Variants in SLC24A2 observed in about 807,000 individuals in gnomAD.
SLC24A2 encodes the protein sodium/potassium/calcium exchanger 2.
In SLC24A2, 36 loss-of-function variants were observed where a neutral mutation model predicts 62.0. That is an observed-to-expected ratio of 0.58 (90% CI 0.44 to 0.77). The LOEUF is 0.77. SLC24A2 is among the 30% of genes least tolerant of loss of function. SLC24A2 has a pLI of 0.00. For synonymous variants in SLC24A2, 358 were observed against 294.0 expected (o/e 1.22, Z -2.23); for missense variants, 846 against 817.9 (o/e 1.03, Z -0.42).
At chr9:20,094,428 A>G in the SLC24A2 span, among the ~76,000 whole-genome samples, 1 of 152,236 alleles carries the variant, frequency 6.6e-6, no homozygotes, top group African/African-American at 2.4e-5. Context: ...TTTGTGGTCA[A>G]CGATAAAATT....
At chr9:19,720,631 T>C (rs1485901610) in intron 2 of SLC24A2, among the ~76,000 whole-genome samples, 3 of 151,560 alleles carry the variant, frequency 2.0e-5, no homozygotes, top group African/African-American at 4.9e-5. Context: ...AGTCTTGGAG[T>C]CTGTGGTATG....
the SLC24A2 span, among the ~76,000 whole-genome samples, chr9:20,135,543 G>A: frequency 6.6e-6 from 1 of 152,000 alleles, no homozygotes; most frequent in South Asian, 2.1e-4. Flanking sequence ...AGCACACGAG[G>A]TCATTGTAAG....
chr9:19,786,118 A>T lies in SLC24A2; in HGVS notation c.749T>A (p.Ile250Asn). The T allele has an allele frequency of 3.1e-6, 5 of 1,614,216 alleles. No individual in the cohort carries two copies. The highest frequency in any genetic ancestry group is 1.3e-5 in the African/African-American group (1 of 75,064). Residue 250 changes from isoleucine (I) to asparagine (N), a missense_variant, in exon 2 of 11, where the codon ATC becomes AAC. Ile to Asn is a moderately radical substitution (Grantham distance 149). Transcript: ENST00000341998. This position sits in a 1 kb window ranked among gnomAD's most constrained non-coding sequence, Gnocchi z 5.0. ...ATCCAGGAAAAATATGATCAGCATG[A>T]TCAAGTCAACAATGTAGAAAGACAC... is the stretch of plus-strand genomic sequence containing the variant. ...RDVSFYIVDL[I>N]MLIIFFLDNV... is the part of the protein sequence containing the mutation.
intron 2 of SLC24A2, among the ~76,000 whole-genome samples, chr9:19,637,484 C>A: frequency 6.6e-6 from 1 of 152,214 alleles, no homozygotes; most frequent in Non-Finnish European, 1.5e-5. Flanking sequence ...ATTGCATTCA[C>A]CTTGAAAAAA....
At chr9:20,091,220 A>T in the SLC24A2 span, among the ~76,000 whole-genome samples, 1 of 152,196 alleles carries the variant, frequency 6.6e-6, no homozygotes, top group Admixed American at 6.5e-5. Flanking sequence ...AAGAGGTCAA[A>T]TCTATGAATC....
At chr9:19,746,019 G>C (rs1368189921) in intron 2 of SLC24A2, among the ~76,000 whole-genome samples, 4 of 151,756 alleles carry the variant, frequency 2.6e-5, no homozygotes, top group Admixed American at 6.6e-5. Context: ...GGAAAATACA[G>C]AAAAGACTAC....
intron 2 of SLC24A2, among the ~76,000 whole-genome samples, chr9:19,663,750 T>C (rs1819170386): frequency 1.3e-5 from 2 of 152,186 alleles, no homozygotes; most frequent in Admixed American, 1.3e-4. Flanking sequence ...CTAATAGCAC[T>C]GATTAAACTA....
chr9:20,002,091 A>G, the SLC24A2 span, among the ~76,000 whole-genome samples: 1 of 152,186 alleles, frequency 6.6e-6, no homozygotes, highest in African/African-American at 2.4e-5. Context: ...ACTTAGGTAA[A>G]TGCTGATGAA....
the SLC24A2 span, among the ~76,000 whole-genome samples, chr9:19,935,873 C>T: frequency 4.6e-5 from 7 of 152,026 alleles, no homozygotes; most frequent in Non-Finnish European, 8.8e-5. Flanking sequence ...CCTGAGCCCT[C>T]GAAGCAATCT....
At chr9:19,559,696 A>ATTTTGT (rs1835296199) in intron 7 of SLC24A2, among the ~76,000 whole-genome samples, 1 of 152,174 alleles carries the variant, frequency 6.6e-6, no homozygotes, top group Admixed American at 6.5e-5. Context: ...AACACTCTCC[A>ATTTTGT]TTTTGTAAGT....
At chr9:20,015,491 T>G in the SLC24A2 span, among the ~76,000 whole-genome samples, 7 of 152,222 alleles carry the variant, frequency 4.6e-5, no homozygotes, top group African/African-American at 1.7e-4. Flanking sequence ...TCTGACCTTC[T>G]GAGAGTAAAT....
At chr9:20,038,139 T>G in the SLC24A2 span, among the ~76,000 whole-genome samples, 1 of 152,166 alleles carries the variant, frequency 6.6e-6, no homozygotes, top group Non-Finnish European at 1.5e-5. Context: ...CCCAAAAATA[T>G]TCCCATATAA....
At chr9:20,294,629 A>C in the SLC24A2 span, among the ~76,000 whole-genome samples, 1 of 152,176 alleles carries the variant, frequency 6.6e-6, no homozygotes, top group African/African-American at 2.4e-5. Context: ...AGTTCTTTTA[A>C]AGACATCAGA....
the SLC24A2 span, among the ~76,000 whole-genome samples, chr9:20,303,588 A>G: frequency 6.6e-6 from 1 of 152,128 alleles, no homozygotes; most frequent in Non-Finnish European, 1.5e-5. Flanking sequence ...CAATAACTGG[A>G]GGTTTGCCAA....
the SLC24A2 span, among the ~76,000 whole-genome samples, chr9:20,113,052 A>G: frequency 2.6e-5 from 4 of 151,800 alleles, no homozygotes; most frequent in Non-Finnish European, 4.4e-5. Flanking sequence ...CCTGGCAGCC[A>G]CCCTACCATG....
the SLC24A2 span, among the ~76,000 whole-genome samples, chr9:20,072,122 C>A: frequency 6.6e-6 from 1 of 152,034 alleles, no homozygotes; most frequent in African/African-American, 2.4e-5. Flanking sequence ...CAAACCCTGT[C>A]CTTTAAGCCT....
At chr9:19,753,047 T>G (rs1311469995) in intron 2 of SLC24A2, among the ~76,000 whole-genome samples, 3 of 152,178 alleles carry the variant, frequency 2.0e-5, no homozygotes, top group African/African-American at 7.2e-5. Flanking sequence ...ATCCCTCAGG[T>G]GCCAGGAGTA....
the SLC24A2 span, among the ~76,000 whole-genome samples, chr9:19,802,882 TAGGGGGTGATC>T: frequency 6.6e-6 from 1 of 152,126 alleles, no homozygotes; most frequent in African/African-American, 2.4e-5. Context: ...ATTGGGCCTT[TAGGGGGTGATC>T]AGGTCATGAG....
chr9:19,883,949 C>A, the SLC24A2 span, among the ~76,000 whole-genome samples: 2 of 152,128 alleles, frequency 1.3e-5, no homozygotes, highest in African/African-American at 4.8e-5. Context: ...GCTACTTATT[C>A]TGGAAAAAGT....
Sources: allele counts gnomAD v4.1 joint callset (sites outside exome capture counted in the v4.1 genomes callset), GRCh38; gene constraint gnomAD v4.1.1; non-coding constraint Gnocchi (gnomAD v3.1); transcripts MANE v1.5; gene names NCBI Gene and HGNC (gene_info 2026-07-23, HGNC 2026-07-21).